The following ZBTB24 variants were observed in gnomAD, a reference collection of about 807,000 sequenced individuals.
The protein encoded by ZBTB24 is zinc finger and BTB domain-containing protein 24.
Under a neutral mutation model 53.8 loss-of-function variants are expected in ZBTB24, and 32 were observed. The ratio of observed to expected loss-of-function variants is 0.60; its 90% CI spans 0.45 to 0.80. ZBTB24 has a LOEUF of 0.80. Ranked by LOEUF, ZBTB24 falls within the 30% of genes least tolerant of loss-of-function variation. ZBTB24 has a pLI of 0.00. For missense variants in ZBTB24, 722 were observed against 837.1 expected, an observed-to-expected ratio of 0.86 and a Z score of 1.70; for synonymous variants, 297 against 306.7, an observed-to-expected ratio of 0.97 and a Z score of 0.33.
intron 5 of ZBTB24, among the ~76,000 whole-genome samples, chr6:109,471,809 G>C (rs1227709845): frequency 6.6e-6 from 1 of 152,158 alleles, no homozygotes; most frequent in African/African-American, 2.4e-5. Context: ...TCTGTCCTGT[G>C]AACTCATTTG....
rs1303811518 is a variant in ZBTB24 at position 109,463,534 on chromosome 6, A to G, written c.*2317T>C. On this transcript the variant is annotated 3_prime_UTR_variant, in exon 7 of 7. Coordinates refer to ENST00000230122, the MANE Select transcript of ZBTB24 (RefSeq NM_014797.3). The stretch of plus-strand genomic sequence containing the variant: ...AAGGAACTGGATTTTAATTTTAATA[A>G]ATTTAATATAAATTTTTAAACTGAT... The G allele has an allele frequency of 1.3e-5, 2 of 152,186 alleles. No homozygotes were observed. The highest frequency in any genetic ancestry group is 6.5e-5 in the Admixed American group (1 of 15,288). The allele number at this position is 152,186 out of a possible 1,614,324, so 9.4% of individuals were successfully genotyped here. A position where few individuals can be genotyped will look rare whatever the true frequency, so the allele number is the denominator to read the frequency against.
intron 5 of ZBTB24, among the ~76,000 whole-genome samples, chr6:109,471,716 C>T (rs1046453146): frequency 2.0e-5 from 3 of 152,236 alleles, no homozygotes; most frequent in East Asian, 1.9e-4. Flanking sequence ...ACTTGGCTTT[C>T]GGGTCACTAA....
Position 109,465,299 on chromosome 6 carries a change from C to A in ZBTB24, c.*552G>T. On this transcript the variant is annotated 3_prime_UTR_variant, in exon 7 of 7. Transcript: ENST00000230122. The stretch of plus-strand genomic sequence containing the variant: ...CCCACTGTACTGCATAAAGATAAAA[C>A]GTTGAGGGTTACTTTGTCTTAGGGG... 1 of 255,986 alleles carries A rather than the reference C, an allele frequency of 3.9e-6. No individual in the cohort carries two copies. The highest frequency in any genetic ancestry group is 7.5e-6 in the Non-Finnish European group (1 of 132,870). 15.9% of individuals were successfully genotyped at this position (255,986 alleles called of 1,614,324 possible).
In ZBTB24 at chr6:109,476,244, T is replaced by G. The variant is rs770677369; in HGVS notation, c.1135A>C (p.Thr379Pro). 1 of 1,614,096 alleles carries G rather than the reference T, an allele frequency of 6.2e-7. No individual in the cohort carries two copies. The highest frequency in any genetic ancestry group is 8.5e-7 in the Non-Finnish European group (1 of 1,180,020). ...AAATATTTTCCGCATTGATCACAGG[T>G]AAAAGACTTCTGTCCTGCCAAAAAA... ...MSLHSGQKSF[T>P]CDQCGKYFSQ... The change falls in exon 4 of 7, where the codon ACC becomes CCC. Residue 379 changes from threonine (T) to proline (P), a missense_variant. Thr to Pro is a conservative substitution (Grantham distance 38). Transcript: ENST00000230122.
intron 6 of ZBTB24, among the ~76,000 whole-genome samples, 180 bp from the exon 7 acceptor site, chr6:109,466,754 T>C (rs575665978): frequency 4.6e-5 from 7 of 152,254 alleles, no homozygotes; most frequent in African/African-American, 1.7e-4. Context: ...CAGTTTTTAA[T>C]CTGAAAATAG....
intron 5 of ZBTB24, among the ~76,000 whole-genome samples, chr6:109,472,346 T>C (rs1192536066): frequency 6.6e-6 from 1 of 152,184 alleles, no homozygotes; most frequent in Admixed American, 6.5e-5. Context: ...GTCTCCTTTT[T>C]AACTCATCAC....
intron 5 of ZBTB24, among the ~76,000 whole-genome samples, chr6:109,468,623 ATAATG>A (rs1241988616): frequency 6.6e-6 from 1 of 152,068 alleles, no homozygotes; most frequent in Non-Finnish European, 1.5e-5. Flanking sequence ...GCTGCCTCAT[ATAATG>A]TATAAGTTAT....
chr6:109,468,110 T>C (rs1776089431), intron 5 of ZBTB24, among the ~76,000 whole-genome samples: 1 of 152,118 alleles, frequency 6.6e-6, no homozygotes, highest in African/African-American at 2.4e-5. Context: ...AAAGGACTCC[T>C]GTGTGCTAGG....
chr6:109,474,150 G>C (rs1287082682), intron 5 of ZBTB24, among the ~76,000 whole-genome samples: 1 of 149,112 alleles, frequency 6.7e-6, no homozygotes, highest in African/African-American at 2.5e-5. Flanking sequence ...AATTCCAGTA[G>C]ACAACAGAAT....
chr6:109,479,915 C>CAAAAAAAA (rs200514874), intron 2 of ZBTB24, among the ~76,000 whole-genome samples: 2 of 41,824 alleles, frequency 4.8e-5, no homozygotes, highest in African/African-American at 1.8e-4. Flanking sequence ...GAATCCATCT[C>CAAAAAAAA]AAAAAAAAAA....
chr6:109,477,337 G>A (rs1347593968), intron 2 of ZBTB24, among the ~76,000 whole-genome samples: 1 of 152,090 alleles, frequency 6.6e-6, no homozygotes, highest in Admixed American at 6.5e-5. Context: ...TTTTTTTAGA[G>A]ATGGGATCTC....
At position 109,481,563 on chromosome 6, in the gene ZBTB24, T is replaced by C. The variant is rs764146606; in HGVS notation, c.464A>G (p.Asn155Ser). 6.8e-6 allele frequency: 11 copies of C among 1,614,072 alleles called. No individual in the cohort carries two copies. The African/African-American group carries it at 1.5e-4, about 22-fold the overall frequency. Reference protein sequence around the residue: ...APVVVISNKKNDPPKRKRGRP... With the variant: ...APVVVISNKKSDPPKRKRGRP... ...TCCCCGTTTCCGCTTTGGAGGATCG[T>C]TTTTCTTATTAGAGATAACAACCAC... Residue 155 changes from asparagine (N) to serine (S), a missense_variant, in exon 2 of 7, where the codon AAC becomes AGC. Asn to Ser is a conservative substitution (Grantham distance 46). Transcript: ENST00000230122.
Position 109,480,899 on chromosome 6 carries a change from T to A in ZBTB24, c.952+176A>T, listed in dbSNP as rs1473714106. The A allele has an allele frequency of 1.0e-5, 14 of 1,404,724 alleles. No homozygotes were observed. The Middle Eastern group carries it at 6.4e-4, about 64-fold the overall frequency. The allele number at this position is 1,404,724 out of a possible 1,614,324, so 87.0% of individuals were successfully genotyped here. On this transcript the variant is annotated intron_variant, in intron 2 of 6. Transcript: ENST00000230122. ...AATATGATTTTAATCATACAATGTATAATGAGGATATTACCCACCTTGCAG... is the reference window on the plus strand; with the variant it reads ...AATATGATTTTAATCATACAATGTAAAATGAGGATATTACCCACCTTGCAG...
intron 2 of ZBTB24, among the ~76,000 whole-genome samples, chr6:109,479,563 A>G (rs886587544): frequency 2.0e-5 from 3 of 152,244 alleles, no homozygotes; most frequent in Non-Finnish European, 4.4e-5. Context: ...ACGATCCTAC[A>G]TGCTTTTTCT....
At position 109,465,891 on chromosome 6, in the gene ZBTB24, T is replaced by C. The variant is rs568879322; in HGVS notation, c.2054A>G (p.His685Arg). The change falls in exon 7 of 7, where the codon CAC (histidine) becomes CGC (arginine). Residue 685 changes from histidine (H) to arginine (R), a missense_variant. Coordinates refer to ENST00000230122, the MANE Select transcript of ZBTB24 (RefSeq NM_014797.3). ...GCCAAGTGGCGTTGGCTGGGGCACG[T>C]GGTGAGTGGGTGGTGGCGGACCAGG... ...QEPGPPPPTH[H>R]VPQPTPLGQE... 6 of 1,614,072 alleles carry C rather than the reference T, an allele frequency of 3.7e-6. No homozygotes were observed. The African/African-American group carries it at 8.0e-5, about 22-fold the overall frequency.
chr6:109,480,017 C>T (rs963924490), intron 2 of ZBTB24, among the ~76,000 whole-genome samples: 2 of 150,808 alleles, frequency 1.3e-5, no homozygotes, highest in African/African-American at 2.4e-5. Context: ...TGAATTCAAG[C>T]TCTTCAACCT....
At position 109,464,996 on chromosome 6, in the gene ZBTB24, C is replaced by T. The variant is rs1158743570; in HGVS notation, c.*855G>A. The T allele has an allele frequency of 6.6e-6, 1 of 152,140 alleles. No homozygotes were observed. The highest frequency in any genetic ancestry group is 1.5e-5 in the Non-Finnish European group (1 of 68,040). The allele number at this position is 152,140 out of a possible 1,614,324, so 9.4% of individuals were successfully genotyped here. Reference sequence around the variant, plus strand: ...ATTACACTGAATAAAGTTTTATGTTCCAGAATAGTGAAGAAAGCTTTACCT... The same window carrying T: ...ATTACACTGAATAAAGTTTTATGTTTCAGAATAGTGAAGAAAGCTTTACCT... On this transcript the variant is annotated 3_prime_UTR_variant, in exon 7 of 7. Coordinates refer to ENST00000230122, the MANE Select transcript of ZBTB24 (RefSeq NM_014797.3).
intron 5 of ZBTB24, among the ~76,000 whole-genome samples, chr6:109,472,011 CT>C (rs1190355546): frequency 2.0e-5 from 3 of 152,138 alleles, no homozygotes; most frequent in Non-Finnish European, 4.4e-5. Flanking sequence ...TTGCCTTTGA[CT>C]TCTCCAGTGC....
rs1177844861 is a variant in ZBTB24 at position 109,481,261 on chromosome 6, G to A, written c.766C>T (p.Arg256Trp). Reference protein sequence around the residue: ...GQASQSRYSKRRIWRSVKLKD... With the variant: ...GQASQSRYSKWRIWRSVKLKD... ...AGTTTGACGGATCTCCAAATCCTCC[G>A]CTTGCTGTATCGACTCTGGCTTGCC... Residue 256 changes from arginine (R) to tryptophan (W), a missense_variant, in exon 2 of 7, where the codon CGG becomes TGG. Arg to Trp is a moderately radical substitution (Grantham distance 101). Transcript: ENST00000230122. 15 of 1,614,018 alleles carry A rather than the reference G, an allele frequency of 9.3e-6. No individual in the cohort carries two copies. The highest frequency in any genetic ancestry group is 1.7e-5 in the Admixed American group (1 of 60,000).
Sources: gnomAD v4.1 joint callset for allele counts (sites outside exome capture counted in the v4.1 genomes callset) on GRCh38, gnomAD v4.1.1 for gene constraint, MANE v1.5 for transcripts, NCBI Gene and HGNC (gene_info 2026-07-23, HGNC 2026-07-21) for gene names.